The following RELN variants were observed in gnomAD, a reference collection of about 807,000 sequenced individuals.
The protein encoded by RELN is reelin.
Under a neutral mutation model 427.6 loss-of-function variants are expected in RELN, and 108 were observed. The ratio of observed to expected loss-of-function variants is 0.25; its 90% CI spans 0.22 to 0.30. The LOEUF (loss-of-function observed/expected upper bound fraction) is 0.30, where lower values mean the gene tolerates loss of function less well. RELN is among the 10% of genes least tolerant of loss of function. RELN has a pLI of 1.00. For synonymous variants in RELN, 1,524 were observed against 1,513.4 expected (o/e 1.01, Z -0.16); for missense variants, 3,715 against 4,302.8 (o/e 0.86, Z 3.82).
chr7:103,726,141 T>C (rs530876538), intron 7 of RELN, among the ~76,000 whole-genome samples: 34 of 152,336 alleles, frequency 2.2e-4, no homozygotes, highest in African/African-American at 5.5e-4. Flanking sequence ...TTAGTAAATA[T>C]TGAATATAAT....
chr7:103,902,220 T>C (rs1795097799), intron 2 of RELN, among the ~76,000 whole-genome samples: 1 of 151,946 alleles, frequency 6.6e-6, no homozygotes. Flanking sequence ...GAAAGCCAAA[T>C]CCCAGTTAAG....
Position 103,971,152 on chromosome 7 carries a change from CAAAAAAAA to C in RELN, c.226+17971_226+17978del, listed in dbSNP as rs559162833. On this transcript the variant is annotated intron_variant, in intron 1 of 64. Transcript: ENST00000428762. ...GGGCGACAAGAGTGAGACTCTATCT[CAAAAAAAA>C]AAAAAAAAAGAAAAAGGGAAAAAAA... Among the ~76,000 whole-genome samples, 10 of 81,276 alleles carry C rather than the reference CAAAAAAAA, an allele frequency of 1.2e-4. No homozygotes were observed. In the South Asian group the frequency reaches 3.8e-3, roughly 31 times the overall value. The allele number at this position is 81,276 out of a possible 152,430, so 53.3% of individuals were successfully genotyped here. A position where few individuals can be genotyped will look rare whatever the true frequency, so the allele number is the denominator to read the frequency against.
At chr7:103,929,226 T>C (rs1795808974) in intron 1 of RELN, among the ~76,000 whole-genome samples, 2 of 152,190 alleles carry the variant, frequency 1.3e-5, no homozygotes, top group South Asian at 2.1e-4. Flanking sequence ...TCAGTGATCA[T>C]GTGTAATTTT....
chr7:103,670,430 A>G (rs1221390801), intron 11 of RELN, among the ~76,000 whole-genome samples: 1 of 152,124 alleles, frequency 6.6e-6, no homozygotes, highest in Non-Finnish European at 1.5e-5. Context: ...GCCTTTGTGA[A>G]ATAATGAAGG....
intron 37 of RELN, 41 bp downstream of exon 37, chr7:103,557,924 G>T: frequency 1.1e-6 from 1 of 932,152 alleles, no homozygotes; most frequent in East Asian, 2.4e-5. Context: ...AATTGCACAG[G>T]GGAGAATTCT....
chr7:103,760,987 TG>T (rs1368669467), intron 4 of RELN, among the ~76,000 whole-genome samples: 4 of 150,806 alleles, frequency 2.7e-5, no homozygotes, highest in African/African-American at 9.9e-5. Flanking sequence ...AAATTTAGAG[TG>T]AAAACAGTTC....
At chr7:103,973,447 A>C (rs1330699621) in intron 1 of RELN, among the ~76,000 whole-genome samples, 1 of 152,236 alleles carries the variant, frequency 6.6e-6, no homozygotes, top group African/African-American at 2.4e-5. Flanking sequence ...CACAAAAGCA[A>C]TATGAGAAAA....
At chr7:103,743,722 A>G (rs1394945259) in intron 6 of RELN, among the ~76,000 whole-genome samples, 2 of 152,200 alleles carry the variant, frequency 1.3e-5, no homozygotes, top group Admixed American at 1.3e-4. Context: ...ACTATCCTAA[A>G]TATATATGCA....
At chr7:103,874,308 G>T (rs1395527981) in intron 2 of RELN, among the ~76,000 whole-genome samples, 2 of 126,106 alleles carry the variant, frequency 1.6e-5, no homozygotes, top group Non-Finnish European at 3.4e-5. Context: ...AGACAGGGAT[G>T]TCCTCTCTCA....
chr7:103,904,230 C>T (rs1191146536), intron 2 of RELN, among the ~76,000 whole-genome samples: 1 of 152,020 alleles, frequency 6.6e-6, no homozygotes, highest in Non-Finnish European at 1.5e-5. Context: ...GTATATGTAC[C>T]ACATTTTCCT....
intron 10 of RELN, among the ~76,000 whole-genome samples, chr7:103,693,580 T>TA (rs5886266): frequency 0.11 from 17,193 of 149,948 alleles, 1,007 homozygotes; most frequent in South Asian, 0.19. Flanking sequence ...TGAAAAAAGG[T>TA]AAAAAAAATT....
intron 13 of RELN, 67 bp downstream of exon 13, chr7:103,654,026 G>GT: frequency 2.2e-6 from 2 of 902,438 alleles, no homozygotes; most frequent in Middle Eastern, 4.3e-4. Context: ...GGTCTTTGTG[G>GT]TTTTGACTTG....
rs531958416 is a variant in RELN at position 103,953,343 on chromosome 7, C to A, written c.226+35788G>T. 6.6e-6 allele frequency among the ~76,000 whole-genome samples: 1 copy of A among 152,160 alleles called. No individual in the cohort carries two copies. Among genetic ancestry groups the A allele is most frequent in the Non-Finnish European group, 1.5e-5 (1 of 68,032 alleles). On this transcript the variant is annotated intron_variant, in intron 1 of 64. Transcript: ENST00000428762. The surrounding 1 kb of genome is among the most constrained non-coding windows in gnomAD (Gnocchi z 4.3). ...TTTGGTTTCGGATCCACATTCATAG[C>A]GTATTGCACTCTCTGCCACAGACCA...
At chr7:103,477,854 G>C (rs1426450737) in intron 64 of RELN, among the ~76,000 whole-genome samples, 2 of 152,136 alleles carry the variant, frequency 1.3e-5, no homozygotes, top group Non-Finnish European at 2.9e-5. Flanking sequence ...ACAAGATCTA[G>C]AACTCCTAAG....
At chr7:103,520,954 G>GT (rs1462369530) in intron 48 of RELN, among the ~76,000 whole-genome samples, 4,093 of 77,920 alleles carry the variant, frequency 0.053, 480 homozygotes, top group East Asian at 0.092. Context: ...CAGTAAATTT[G>GT]TTATTTTTTT....
At position 103,483,730 on chromosome 7, in the gene RELN, C is replaced by A; in HGVS notation, c.10104G>T (p.Gly3368=). The part of the protein sequence containing the change: ...AVLLQYSVNN[G]ITWHVIAQHQ... ...GCTGGGCGATGACATGCCAGGTGAT[C>A]CCGTTGTTGACGCTGTATTGCAGCA... Residue 3368 remains glycine, a synonymous_variant, in exon 62 of 65, where the codon GGG becomes GGT. Coordinates refer to ENST00000428762, the MANE Select transcript of RELN (RefSeq NM_005045.4). The A allele has an allele frequency of 1.2e-6, 2 of 1,614,168 alleles. No individual in the cohort carries two copies. Among genetic ancestry groups the A allele is most frequent in the South Asian group, 2.2e-5 (2 of 91,084 alleles).
chr7:103,511,887 T>C (rs1194908476), intron 50 of RELN, among the ~76,000 whole-genome samples: 1 of 152,174 alleles, frequency 6.6e-6, no homozygotes, highest in South Asian at 2.1e-4. Flanking sequence ...TTGATGACTC[T>C]GGAAATATGC....
chr7:103,552,796 G>A (rs1180196522), intron 40 of RELN, among the ~76,000 whole-genome samples: 14 of 151,826 alleles, frequency 9.2e-5, no homozygotes, highest in Admixed American at 5.3e-4. Flanking sequence ...CACCACGCCT[G>A]GCTGATAATA....
Position 103,610,817 on chromosome 7 carries a change from A to G in RELN, c.2896-10T>C. On this transcript the variant is annotated splice_polypyrimidine_tract_variant and intron_variant, in intron 21 of 64. Transcript: ENST00000428762. The stretch of plus-strand genomic sequence containing the variant: ...TACTTGGAAGGCATTCCTGAAAGAA[A>G]GTTAGGCACAAATCAAACCCAGCTT... The G allele has an allele frequency of 6.7e-7, 1 of 1,499,846 alleles. No homozygotes were observed. The highest frequency in any genetic ancestry group is 2.3e-5 in the East Asian group (1 of 44,248). 92.9% of individuals were successfully genotyped at this position (1,499,846 alleles called of 1,614,324 possible). A position where few individuals can be genotyped will look rare whatever the true frequency, so the allele number is the denominator to read the frequency against.
Sources: allele counts gnomAD v4.1 joint callset (sites outside exome capture counted in the v4.1 genomes callset), GRCh38; gene constraint gnomAD v4.1.1; non-coding constraint Gnocchi (gnomAD v3.1); transcripts MANE v1.5; gene names NCBI Gene and HGNC (gene_info 2026-07-23, HGNC 2026-07-21).